Variants in COL21A1 observed in about 807,000 individuals in gnomAD.
COL21A1 encodes the protein collagen type XXI alpha 1 chain.
COL21A1 carries 149 observed loss-of-function variants against 137.9 expected under a neutral mutation model. The observed-to-expected ratio is 1.08, with a 90% confidence interval of 0.95 to 1.24. The LOEUF is 1.24. COL21A1 is among the 50% of genes most tolerant of loss of function. COL21A1 has a pLI of 0.00. For missense variants in COL21A1, 1,167 were observed against 1,158.4 expected, an observed-to-expected ratio of 1.01 and a Z score of -0.11; for synonymous variants, 456 against 391.5, an observed-to-expected ratio of 1.16 and a Z score of -1.95.
intron 27 of COL21A1, chr6:56,060,511 A>G (rs1309121760): frequency 6.2e-6 from 3 of 480,992 alleles, no homozygotes; most frequent in Non-Finnish European, 7.1e-6. Context: ...TATGCTACAA[A>G]AGAAAATTCA....
intron 1 of COL21A1, among the ~76,000 whole-genome samples, chr6:56,234,016 C>T (rs952794971): frequency 2.0e-5 from 3 of 151,554 alleles, no homozygotes; most frequent in African/African-American, 7.3e-5. Flanking sequence ...CCAGAGATGA[C>T]TGGTAGAAAA....
intron 1 of COL21A1, among the ~76,000 whole-genome samples, chr6:56,265,096 C>T (rs1197825464): frequency 6.6e-6 from 1 of 152,158 alleles, no homozygotes. Flanking sequence ...CTTATTTGAG[C>T]AGGAGGAGAG....
intron 1 of COL21A1, among the ~76,000 whole-genome samples, chr6:56,339,106 A>G (rs6935231): frequency 0.75 from 113,407 of 151,972 alleles, 42,512 homozygotes; most frequent in East Asian, 0.94. Context: ...TGGACTTAGA[A>G]AAGCTGCATC....
At chr6:56,071,010 A>G (rs1220927966) in intron 20 of COL21A1, among the ~76,000 whole-genome samples, 1 of 151,552 alleles carries the variant, frequency 6.6e-6, no homozygotes, top group Admixed American at 6.6e-5. Context: ...AAGCCTCTCT[A>G]AAAACCTGTG....
intron 1 of COL21A1, among the ~76,000 whole-genome samples, chr6:56,217,515 G>C (rs535791526): frequency 6.6e-6 from 1 of 152,114 alleles, no homozygotes; most frequent in South Asian, 2.1e-4. Flanking sequence ...CCAAATGACT[G>C]AAAGGTACCA....
At chr6:56,265,286 G>A (rs563781718) in intron 1 of COL21A1, among the ~76,000 whole-genome samples, 1 of 152,180 alleles carries the variant, frequency 6.6e-6, no homozygotes, top group Non-Finnish European at 1.5e-5. Context: ...TGCCAAGTGG[G>A]GAGTGGAACA....
chr6:56,204,619 G>C (rs1206484989), intron 1 of COL21A1, among the ~76,000 whole-genome samples: 1 of 152,148 alleles, frequency 6.6e-6, no homozygotes, highest in Non-Finnish European at 1.5e-5. Flanking sequence ...CCAGCACAGT[G>C]TACAAGCTCT....
chr6:56,204,692 C>A (rs548726059), intron 1 of COL21A1, among the ~76,000 whole-genome samples: 1 of 152,290 alleles, frequency 6.6e-6, no homozygotes, highest in Admixed American at 6.5e-5. Context: ...CTGGGAGATA[C>A]CTCCAGTAGG....
intron 1 of COL21A1, among the ~76,000 whole-genome samples, chr6:56,269,145 T>C (rs1468807188): frequency 6.6e-6 from 1 of 152,106 alleles, no homozygotes; most frequent in Non-Finnish European, 1.5e-5. Context: ...TTGACACTCA[T>C]GAGAGAAAAG....
At chr6:56,349,703 T>C (rs1765669886) in intron 1 of COL21A1, among the ~76,000 whole-genome samples, 1 of 152,220 alleles carries the variant, frequency 6.6e-6, no homozygotes, top group Non-Finnish European at 1.5e-5. Flanking sequence ...ATCAAAATCA[T>C]TTCTATTTCT....
chr6:56,353,543 C>A (rs1765764164), intron 1 of COL21A1, among the ~76,000 whole-genome samples: 1 of 152,152 alleles, frequency 6.6e-6, no homozygotes, highest in African/African-American at 2.4e-5. Flanking sequence ...TAGCTTAGTT[C>A]ATTCAACCCT....
chr6:56,364,687 A>G (rs931937964), intron 1 of COL21A1, among the ~76,000 whole-genome samples: 1 of 151,938 alleles, frequency 6.6e-6, no homozygotes, highest in Non-Finnish European at 1.5e-5. Context: ...CTTCTCCCTC[A>G]GTAAAGACTA....
chr6:56,126,947 G>A (rs1773096207), intron 12 of COL21A1, among the ~76,000 whole-genome samples: 1 of 152,076 alleles, frequency 6.6e-6, no homozygotes, highest in African/African-American at 2.4e-5. Flanking sequence ...TTTTATAAAA[G>A]TTATTGATTC....
In COL21A1 at chr6:56,166,834, T is replaced by C. The variant is rs1393711169; in HGVS notation, c.1278+72A>G. The C allele has an allele frequency of 1.7e-5, 18 of 1,067,218 alleles. No homozygotes were observed. The South Asian group carries it at 2.4e-4, about 14-fold the overall frequency. 66.1% of individuals were successfully genotyped at this position (1,067,218 alleles called of 1,614,324 possible). A position where few individuals can be genotyped will look rare whatever the true frequency, so the allele number is the denominator to read the frequency against. ...ACATATTAAATTAATACTCAGATAG[T>C]ATCTGCTTTTTATTTATTGCTTTGA... On this transcript the variant is annotated intron_variant, in intron 7 of 29. Transcript: ENST00000244728.
intron 1 of COL21A1, among the ~76,000 whole-genome samples, chr6:56,350,888 G>T (rs1442440458): frequency 6.6e-6 from 1 of 152,224 alleles, no homozygotes; most frequent in African/African-American, 2.4e-5. Flanking sequence ...CCCCGTTTCT[G>T]TCATGACAAA....
At chr6:56,378,673 A>G (rs563436208) in intron 1 of COL21A1, among the ~76,000 whole-genome samples, 3 of 152,296 alleles carry the variant, frequency 2.0e-5, no homozygotes, top group Admixed American at 2.0e-4. Flanking sequence ...AGGGAAGGAC[A>G]TGGGCCTGGC....
chr6:56,298,058 A>C (rs1764199933), intron 1 of COL21A1, among the ~76,000 whole-genome samples: 1 of 151,656 alleles, frequency 6.6e-6, no homozygotes, highest in Non-Finnish European at 1.5e-5. Flanking sequence ...GTTTTCCTGG[A>C]GTTCAATTTC....
intron 1 of COL21A1, among the ~76,000 whole-genome samples, chr6:56,305,681 T>C (rs1764428580): frequency 6.6e-6 from 1 of 152,222 alleles, no homozygotes; most frequent in South Asian, 2.1e-4. Context: ...GTCTTGACTC[T>C]TGATCCAATT....
At chr6:56,329,529 A>T (rs1765173070) in intron 1 of COL21A1, among the ~76,000 whole-genome samples, 2 of 152,070 alleles carry the variant, frequency 1.3e-5, no homozygotes, top group Non-Finnish European at 2.9e-5. Flanking sequence ...CCTCTTTACA[A>T]CAGTTTAGTT....
Sources: gnomAD v4.1 joint callset for allele counts (sites outside exome capture counted in the v4.1 genomes callset) on GRCh38, gnomAD v4.1.1 for gene constraint, MANE v1.5 for transcripts, NCBI Gene and HGNC (gene_info 2026-07-23, HGNC 2026-07-21) for gene names.